RGS17: variants seen among roughly 807,000 people sequenced by gnomAD.
RGS17 encodes regulator of G protein signaling 17, also known as regulator of G-protein signaling 17.
Under a neutral mutation model 25.5 loss-of-function variants are expected in RGS17, and 12 were observed. The observed-to-expected ratio is 0.47, with a 90% CI of 0.30 to 0.76. The LOEUF (loss-of-function observed/expected upper bound fraction) is 0.76. Among genes scored for constraint, RGS17 ranks in the 30% least tolerant of loss-of-function variants. The pLI is 0.07. For synonymous variants in RGS17, 71 were observed against 76.9 expected (o/e 0.92, Z 0.40); for missense variants, 196 against 242.2 (o/e 0.81, Z 1.27).
At chr6:153,126,972 C>A (rs1050600684) in intron 1 of RGS17, among the ~76,000 whole-genome samples, 3 of 152,058 alleles carry the variant, frequency 2.0e-5, no homozygotes, top group Non-Finnish European at 2.9e-5. Context: ...TTTTTGGCAC[C>A]AGGGACCGGT....
At chr6:153,037,197 CACAG>C (rs55938818) in intron 2 of RGS17, among the ~76,000 whole-genome samples, 55,998 of 135,780 alleles carry the variant, frequency 0.41, 10,866 homozygotes, top group East Asian at 0.67. Context: ...CACACACACA[CACAG>C]ACACACACAC....
intron 4 of RGS17, among the ~76,000 whole-genome samples, chr6:153,013,431 C>A (rs1005101344): frequency 2.0e-5 from 3 of 152,026 alleles, no homozygotes; most frequent in Non-Finnish European, 2.9e-5. Flanking sequence ...ACAGAGAAAA[C>A]AATATTGAAA....
intron 1 of RGS17, among the ~76,000 whole-genome samples, chr6:153,129,672 T>G (rs188733344): frequency 5.9e-5 from 9 of 152,328 alleles, no homozygotes; most frequent in Non-Finnish European, 1.0e-4. Context: ...AAGATTTCTC[T>G]TTATTATTTG....
chr6:153,092,680 G>A (rs189415061), intron 1 of RGS17, among the ~76,000 whole-genome samples: 18 of 152,310 alleles, frequency 1.2e-4, no homozygotes, highest in African/African-American at 4.1e-4. Context: ...GGAAATGCTA[G>A]AGGTCAGAAC....
chr6:153,069,942 A>G (rs1776763996), intron 1 of RGS17, among the ~76,000 whole-genome samples: 1 of 152,144 alleles, frequency 6.6e-6, no homozygotes, highest in Admixed American at 6.6e-5. Flanking sequence ...CCTGTTACAA[A>G]GCTCATGCTG....
intron 1 of RGS17, among the ~76,000 whole-genome samples, chr6:153,085,207 A>G (rs1329795009): frequency 1.3e-5 from 2 of 152,184 alleles, no homozygotes; most frequent in African/African-American, 2.4e-5. Context: ...TTTAATTTCC[A>G]TGATTGACTT....
At chr6:153,092,800 G>A (rs943452791) in intron 1 of RGS17, among the ~76,000 whole-genome samples, 7 of 152,148 alleles carry the variant, frequency 4.6e-5, no homozygotes, top group Admixed American at 2.0e-4. Flanking sequence ...TTGCTGTTGT[G>A]CATCCTTTTA....
At position 153,060,174 on chromosome 6, in the gene RGS17, C is replaced by A. The variant is rs985699727; in HGVS notation, c.-25-16131G>T. On this transcript the variant is annotated intron_variant, in intron 1 of 4. Transcript: ENST00000206262. The stretch of plus-strand genomic sequence containing the variant: ...GGACACGGAGTGTCCTAGTGAAGCC[C>A]CAAGTGAGAGAAAAGATTAAGGGCT... Among the ~76,000 whole-genome samples the A allele has an allele frequency of 2.0e-5, 3 of 152,140 alleles. No homozygotes were observed. The South Asian group carries it at 6.2e-4, about 32-fold the overall frequency.
intron 1 of RGS17, among the ~76,000 whole-genome samples, chr6:153,071,505 G>C (rs536499624): frequency 5.3e-4 from 81 of 151,936 alleles, no homozygotes; most frequent in African/African-American, 1.9e-3. Flanking sequence ...ATCAGCCATG[G>C]AGCACTACTT....
intron 1 of RGS17, among the ~76,000 whole-genome samples, chr6:153,122,548 C>T (rs542549382): frequency 1.3e-5 from 2 of 152,064 alleles, no homozygotes; most frequent in South Asian, 4.1e-4. Flanking sequence ...GTCAAAATTG[C>T]CAATATTATT....
At chr6:153,053,805 A>C (rs1776494589) in intron 1 of RGS17, among the ~76,000 whole-genome samples, 1 of 150,588 alleles carries the variant, frequency 6.6e-6, no homozygotes, top group South Asian at 2.1e-4. Context: ...AAAGAAAAGA[A>C]AAAAGAAAAA....
chr6:153,025,749 A>T (rs1490717826), intron 3 of RGS17, among the ~76,000 whole-genome samples: 1 of 148,840 alleles, frequency 6.7e-6, no homozygotes, highest in Non-Finnish European at 1.5e-5. Context: ...AAATACATAT[A>T]CACATAAAAA....
chr6:153,091,143 A>G (rs1777124562), intron 1 of RGS17, among the ~76,000 whole-genome samples: 1 of 152,222 alleles, frequency 6.6e-6, no homozygotes, highest in Non-Finnish European at 1.5e-5. Context: ...TTACAAGGGA[A>G]AAAGAATTTG....
intron 1 of RGS17, among the ~76,000 whole-genome samples, chr6:153,054,367 G>A (rs905363129): frequency 1.3e-5 from 2 of 151,516 alleles, no homozygotes; most frequent in South Asian, 4.2e-4. Context: ...TTGCAAGACC[G>A]AGGCAGGGCA....
At chr6:153,117,270 C>T (rs1039654153) in intron 1 of RGS17, among the ~76,000 whole-genome samples, 22 of 151,958 alleles carry the variant, frequency 1.4e-4, no homozygotes, top group African/African-American at 5.3e-4. Flanking sequence ...AGGGGAAGAG[C>T]CTCTTATAAA....
At chr6:153,109,966 T>C (rs1184347814) in intron 1 of RGS17, among the ~76,000 whole-genome samples, 1 of 152,212 alleles carries the variant, frequency 6.6e-6, no homozygotes, top group Non-Finnish European at 1.5e-5. Flanking sequence ...AACAAATGAA[T>C]CCATAAAAAT....
chr6:153,014,936 C>A (rs1417359984), intron 4 of RGS17, among the ~76,000 whole-genome samples: 1 of 152,162 alleles, frequency 6.6e-6, no homozygotes, highest in Non-Finnish European at 1.5e-5. Context: ...TGTGATTCAT[C>A]GAAGGAGGTC....
Position 153,008,532 on chromosome 6 carries a change from T to G in RGS17, c.*3042A>C, listed in dbSNP as rs1779100813. 1 of 152,238 alleles carries G rather than the reference T, an allele frequency of 6.6e-6. No individual in the cohort carries two copies. Among genetic ancestry groups the G allele is most frequent in the Non-Finnish European group, 1.5e-5 (1 of 68,034 alleles). 9.4% of individuals were successfully genotyped at this position (152,238 alleles called of 1,614,324 possible). A position where few individuals can be genotyped will look rare whatever the true frequency, so the allele number is the denominator to read the frequency against. Reference sequence around the variant, plus strand: ...GTGATTAATGTACAAGATCAATCTCTGAAGAAATCTGGCTCTCCAATTTAT... The same window carrying G: ...GTGATTAATGTACAAGATCAATCTCGGAAGAAATCTGGCTCTCCAATTTAT... On this transcript the variant is annotated 3_prime_UTR_variant, in exon 5 of 5. Transcript: ENST00000206262.
intron 3 of RGS17, among the ~76,000 whole-genome samples, chr6:153,025,242 C>T (rs1562314270): frequency 6.6e-6 from 1 of 151,698 alleles, no homozygotes; most frequent in East Asian, 1.9e-4. Context: ...GAGACAGGAG[C>T]TTCAGGTTAC....
Sources: gnomAD v4.1 joint callset for allele counts (sites outside exome capture counted in the v4.1 genomes callset) on GRCh38, gnomAD v4.1.1 for gene constraint, MANE v1.5 for transcripts, NCBI Gene and HGNC (gene_info 2026-07-23, HGNC 2026-07-21) for gene names.